Variants in TRIO observed in about 807,000 individuals in gnomAD.
The protein encoded by TRIO is triple functional domain protein.
In TRIO, 58 loss-of-function variants were observed where a neutral mutation model predicts 351.9. The observed-to-expected ratio is 0.16, with a 90% confidence interval of 0.13 to 0.21. The LOEUF (loss-of-function observed/expected upper bound fraction) is 0.21, where lower values mean the gene tolerates loss of function less well. TRIO is among the 10% of genes least tolerant of loss of function. The pLI is 1.00. For missense variants in TRIO, 3,201 were observed against 4,027.8 expected (o/e 0.79, Z 5.56); for synonymous variants, 1,758 against 1,595.7 (o/e 1.10, Z -2.42).
intron 1 of TRIO, among the ~76,000 whole-genome samples, chr5:14,203,346 C>T (rs760786739): frequency 2.9e-4 from 44 of 152,192 alleles, no homozygotes; most frequent in Non-Finnish European, 5.6e-4. Flanking sequence ...AAAAGTAAAA[C>T]AGCTTCATTC....
chr5:14,294,354 C>T (rs986439075), intron 6 of TRIO, among the ~76,000 whole-genome samples: 9 of 152,258 alleles, frequency 5.9e-5, no homozygotes, highest in East Asian at 5.8e-4. Flanking sequence ...CAAAGTTTTA[C>T]GTCTGTTCTA....
intron 11 of TRIO, among the ~76,000 whole-genome samples, chr5:14,342,181 T>C (rs564636523): frequency 6.6e-6 from 1 of 152,260 alleles, no homozygotes; most frequent in East Asian, 1.9e-4. Context: ...AAGCAGGTGC[T>C]CTCTGGCTTC....
rs1317499543 is a variant in TRIO at position 14,316,524 on chromosome 5, T to C, written c.1512T>C (p.Asp504=). Residue 504 remains aspartate (D), a synonymous_variant, in exon 9 of 57, where the codon GAT becomes GAC. Transcript: ENST00000344204. ...TCTTTTGTGGGCAGGTCAGCCAAGA[T>C]GGGAAGTCGCTCCTTGACAAGCTCC... ...ITLAYSEVSQ[D]GKSLLDKLQR... is the part of the protein sequence containing the mutation. 6.2e-7 allele frequency: 1 copy of C among 1,613,862 alleles called. No individual in the cohort carries two copies. The highest frequency in any genetic ancestry group is 8.5e-7 in the Non-Finnish European group (1 of 1,179,982).
At chr5:14,231,844 A>AT (rs200567229) in intron 1 of TRIO, among the ~76,000 whole-genome samples, 5,196 of 144,984 alleles carry the variant, frequency 0.036, 114 homozygotes, top group Middle Eastern at 0.064. Context: ...CCAGTGACTG[A>AT]TTTTTTTTTT....
At chr5:14,157,963 A>G (rs560192500) in intron 1 of TRIO, among the ~76,000 whole-genome samples, 1 of 152,236 alleles carries the variant, frequency 6.6e-6, no homozygotes, top group East Asian at 1.9e-4. Context: ...TCAGTTTCAT[A>G]TATTATGTTC....
rs150032641 is a variant in TRIO, at chr5:14,168,245, C to T, written c.157+24363C>T. ...CACTGATTTCATGGACCTTATCATC[C>T]GTGAGAACTGGATATGCCACGTGTT... On this transcript the variant is annotated intron_variant, in intron 1 of 56. Coordinates refer to ENST00000344204, the MANE Select transcript of TRIO (RefSeq NM_007118.4). 6.3e-3 allele frequency among the ~76,000 whole-genome samples: 966 copies of T among 152,294 alleles called. 16 individuals carry two copies. Among genetic ancestry groups the T allele is most frequent in the African/African-American group, 0.022 (900 of 41,558 alleles).
chr5:14,176,837 C>CA (rs1431779039), intron 1 of TRIO, among the ~76,000 whole-genome samples: 2 of 152,084 alleles, frequency 1.3e-5, no homozygotes, highest in Admixed American at 6.5e-5. Context: ...TGGAAAGAGC[C>CA]AAAACATTTA....
chr5:14,494,809 G>C (rs774579725), intron 49 of TRIO, among the ~76,000 whole-genome samples: 1 of 152,208 alleles, frequency 6.6e-6, no homozygotes, highest in African/African-American at 2.4e-5. Context: ...TGAGACAGGA[G>C]AATTGCTTGA....
chr5:14,286,688 G>A lies in TRIO; in HGVS notation c.348-183G>A, dbSNP rs1158181150. On this transcript the variant is annotated intron_variant, in intron 3 of 56. Transcript: ENST00000344204. This position sits in a 1 kb window ranked among gnomAD's most constrained non-coding sequence, Gnocchi z 4.4. ...TTGAACATGAAGCGTGTATAGCCTGGGTCTCTTCCTTTATGGTACAAGGGA... is the reference window on the plus strand; with the variant it reads ...TTGAACATGAAGCGTGTATAGCCTGAGTCTCTTCCTTTATGGTACAAGGGA... Among the ~76,000 whole-genome samples the A allele has an allele frequency of 6.6e-6, 1 of 152,128 alleles. No homozygotes were observed. Among genetic ancestry groups the A allele is most frequent in the Non-Finnish European group, 1.5e-5 (1 of 68,026 alleles).
chr5:14,210,542 G>T (rs1217242104), intron 1 of TRIO, among the ~76,000 whole-genome samples: 1 of 152,124 alleles, frequency 6.6e-6, no homozygotes, highest in Non-Finnish European at 1.5e-5. Flanking sequence ...TTGAGAGGAG[G>T]TTATTTTGCA....
At chr5:14,476,782 A>C (rs1372265115) in intron 40 of TRIO, 112 bp from the exon 41 acceptor site, 1 of 861,762 alleles carries the variant, frequency 1.2e-6, no homozygotes, top group Admixed American at 2.8e-5. Context: ...TGATAGAGTG[A>C]CACTCTCTCA....
At chr5:14,471,668 GTA>G (rs1205809466) in intron 38 of TRIO, among the ~76,000 whole-genome samples, 1 of 152,092 alleles carries the variant, frequency 6.6e-6, no homozygotes, top group African/African-American at 2.4e-5. Flanking sequence ...TGTTTTATTT[GTA>G]TATGATACTT....
At chr5:14,159,019 C>A (rs577453415) in intron 1 of TRIO, among the ~76,000 whole-genome samples, 29 of 152,130 alleles carry the variant, frequency 1.9e-4, no homozygotes, top group Non-Finnish European at 3.1e-4. Context: ...GGTTTTTTAA[C>A]TTGCCCCAGC....
chr5:14,463,614 C>T (rs945376060), intron 36 of TRIO, among the ~76,000 whole-genome samples: 6 of 151,224 alleles, frequency 4.0e-5, no homozygotes, highest in Non-Finnish European at 8.8e-5. Context: ...TGCACATCCT[C>T]TAGCATTCTG....
intron 8 of TRIO, among the ~76,000 whole-genome samples, chr5:14,305,427 A>T (rs1200949169): frequency 6.6e-6 from 1 of 152,156 alleles, no homozygotes; most frequent in African/African-American, 2.4e-5. Context: ...TGTAGAGAGG[A>T]ATTCTGTGTC....
intron 5 of TRIO, among the ~76,000 whole-genome samples, chr5:14,291,788 T>TAAAAAAAAAAAAAAA (rs57424190): frequency 1.3e-4 from 13 of 100,954 alleles, no homozygotes; most frequent in Admixed American, 4.8e-4. Context: ...GACTCCGTCT[T>TAAAAAAAAAAAAAAA]AAAAAAAAAA....
chr5:14,338,372 G>A (rs945009155), intron 11 of TRIO, among the ~76,000 whole-genome samples: 2 of 152,122 alleles, frequency 1.3e-5, no homozygotes, highest in African/African-American at 2.4e-5. Context: ...GACCCCTCCC[G>A]CTCAACACAG....
chr5:14,208,310 G>A (rs552763183), intron 1 of TRIO, among the ~76,000 whole-genome samples: 2 of 152,268 alleles, frequency 1.3e-5, no homozygotes, highest in Admixed American at 6.5e-5. Flanking sequence ...ATATCCAGAC[G>A]GTTAAATACT....
intron 8 of TRIO, 51 bp downstream of exon 8, chr5:14,304,643 T>C (rs985913124): frequency 1.9e-6 from 3 of 1,569,546 alleles, no homozygotes; most frequent in African/African-American, 2.8e-5. Flanking sequence ...TTTTGCATCA[T>C]AGTACACCGG....
Sources: allele counts gnomAD v4.1 joint callset (sites outside exome capture counted in the v4.1 genomes callset), GRCh38; gene constraint gnomAD v4.1.1; non-coding constraint Gnocchi (gnomAD v3.1); transcripts MANE v1.5; gene names NCBI Gene and HGNC (gene_info 2026-07-23, HGNC 2026-07-21).